PRIMPOL: variants seen among roughly 807,000 people sequenced by gnomAD.
PRIMPOL encodes the protein primase and DNA directed polymerase, also known as DNA-directed primase/polymerase protein.
In PRIMPOL, 54 loss-of-function variants were observed where a neutral mutation model predicts 63.6. The observed-to-expected ratio is 0.85, with a 90% CI of 0.68 to 1.07. The LOEUF (loss-of-function observed/expected upper bound fraction) is 1.07, where lower values mean the gene tolerates loss of function less well. Ranked by LOEUF, PRIMPOL falls within the 50% of genes least tolerant of loss-of-function variation. PRIMPOL has a pLI of 0.00. For synonymous variants in PRIMPOL, 197 were observed against 220.2 expected (o/e 0.89, Z 0.93); for missense variants, 610 against 648.3 (o/e 0.94, Z 0.64).
In PRIMPOL at chr4:184,651,311, G is replaced by T. The variant is rs1383615494; in HGVS notation, c.-137-712G>T. Among the ~76,000 whole-genome samples the T allele has an allele frequency of 2.0e-5, 3 of 152,026 alleles. No homozygotes were observed. In the East Asian group the frequency reaches 5.8e-4, roughly 29 times the overall value. On this transcript the variant is annotated intron_variant, in intron 1 of 13. Transcript: ENST00000314970. ...GTCTCAAAAAAAAGAAAAAAAAGGGGTTAAGTAGTTTGCTGTTGCTAAAAA... is the reference window on the plus strand; with the variant it reads ...GTCTCAAAAAAAAGAAAAAAAAGGGTTTAAGTAGTTTGCTGTTGCTAAAAA...
At chr4:184,694,413 G>GTAATC (rs1759996709) in intron 13 of PRIMPOL, 109 bp from the exon 14 acceptor site, 3 of 1,449,618 alleles carry the variant, frequency 2.1e-6, no homozygotes, top group Non-Finnish European at 2.7e-6. Context: ...ATTCACTTTA[G>GTAATC]TATCTGTCAC....
At chr4:184,676,160 G>C (rs1382807045) in intron 7 of PRIMPOL, among the ~76,000 whole-genome samples, 1 of 151,808 alleles carries the variant, frequency 6.6e-6, no homozygotes, top group Non-Finnish European at 1.5e-5. Flanking sequence ...TGTTGCCCAG[G>C]CTGAAGTGCA....
intron 13 of PRIMPOL, among the ~76,000 whole-genome samples, chr4:184,692,489 A>AAG (rs1345448276): frequency 6.6e-6 from 1 of 151,076 alleles, no homozygotes. Context: ...AAAAAAAAAA[A>AAG]AAAAGAAAGA....
In PRIMPOL at chr4:184,658,907, CAA is replaced by C. The variant is rs35646133; in HGVS notation, c.181-418_181-417del. 4.2e-3 allele frequency among the ~76,000 whole-genome samples: 398 copies of C among 93,716 alleles called. 4 individuals carry two copies. The highest frequency in any genetic ancestry group is 0.013 in the African/African-American group (309 of 24,502). The allele number at this position is 93,716 out of a possible 152,430, so 61.5% of individuals were successfully genotyped here. ...TGGGCAACAGAGCAAGACTCTGTTT[CAA>C]AAAAAAAAAAAAAAGGCTCCTACAT... On this transcript the variant is annotated intron_variant, in intron 3 of 13. Coordinates refer to ENST00000314970, the MANE Select transcript of PRIMPOL (RefSeq NM_152683.4).
rs767425676 is a variant in PRIMPOL, at chr4:184,685,496, G to C, written c.1184G>C (p.Gly395Ala). 1.3e-5 allele frequency: 21 copies of C among 1,605,602 alleles called. No individual in the cohort carries two copies. In the East Asian group the frequency reaches 3.6e-4, roughly 27 times the overall value. Residue 395 changes from glycine (G) to alanine (A), a missense_variant and splice_region_variant, in exon 10 of 14, where the codon GGA becomes GCA. Transcript: ENST00000314970. Reference protein sequence around the residue: ...LSLVNKDGIKGGIRRWNYFFP... With the variant: ...LSLVNKDGIKAGIRRWNYFFP... ...TTGGTGAATAAAGATGGCATTAAAGGAGGTAAAGTTAATCTCATCCTTTGT... is the reference window on the plus strand; with the variant it reads ...TTGGTGAATAAAGATGGCATTAAAGCAGGTAAAGTTAATCTCATCCTTTGT...
intron 1 of PRIMPOL, among the ~76,000 whole-genome samples, chr4:184,650,663 C>G (rs970478224): frequency 3.3e-5 from 5 of 152,198 alleles, no homozygotes; most frequent in African/African-American, 7.2e-5. Context: ...ATTTCAGACC[C>G]TGAAGCAAAC....
Position 184,661,182 on chromosome 4 carries a change from A to G in PRIMPOL, c.279-592A>G, listed in dbSNP as rs146203284. Among the ~76,000 whole-genome samples the G allele has an allele frequency of 2.6e-3, 392 of 152,318 alleles. 1 individual carries two copies. Among genetic ancestry groups the G allele is most frequent in the African/African-American group, 9.0e-3 (376 of 41,570 alleles). Reference sequence around the variant, plus strand: ...AACAAATATAGAGGTATTACACAATATCAAACTCATCTGTGAATAAATAAC... The same window carrying G: ...AACAAATATAGAGGTATTACACAATGTCAAACTCATCTGTGAATAAATAAC... On this transcript the variant is annotated intron_variant, in intron 4 of 13. Transcript: ENST00000314970.
chr4:184,655,424 C>G (rs1746109819), intron 2 of PRIMPOL, among the ~76,000 whole-genome samples: 1 of 150,010 alleles, frequency 6.7e-6, no homozygotes, highest in African/African-American at 2.5e-5. Flanking sequence ...CTGGTTCAAA[C>G]TATTCTCTTG....
chr4:184,692,666 T>C (rs896918393), intron 13 of PRIMPOL, among the ~76,000 whole-genome samples: 2 of 151,902 alleles, frequency 1.3e-5, no homozygotes, highest in African/African-American at 4.9e-5. Flanking sequence ...TCAGTTTTTT[T>C]TCTAAAGTAT....
intron 5 of PRIMPOL, among the ~76,000 whole-genome samples, chr4:184,664,527 C>T (rs143164633): frequency 9.8e-4 from 150 of 152,360 alleles, no homozygotes; most frequent in African/African-American, 3.4e-3. Flanking sequence ...AAGATGTTGC[C>T]TTCTTCCATT....
rs766875991 is a variant in PRIMPOL at position 184,691,723 on chromosome 4, A to G, written c.1425+11A>G. 5.6e-6 allele frequency: 9 copies of G among 1,604,376 alleles called. No individual in the cohort carries two copies. In the South Asian group the frequency reaches 9.9e-5, roughly 18 times the overall value. On this transcript the variant is annotated intron_variant, in intron 13 of 13. Coordinates refer to ENST00000314970, the MANE Select transcript of PRIMPOL (RefSeq NM_152683.4). The stretch of plus-strand genomic sequence containing the variant: ...TTTCTTTTCAAAGAGGTAAGTACAG[A>G]TTTTAGTGTCTTTCTCCTTACCAGG...
intron 3 of PRIMPOL, chr4:184,657,564 C>A (rs987903196): frequency 5.9e-5 from 19 of 320,696 alleles, no homozygotes; most frequent in East Asian, 3.3e-4. Flanking sequence ...ACATCTAGTA[C>A]CAATTAGTTT....
chr4:184,674,834 G>C (rs2696044), intron 7 of PRIMPOL, among the ~76,000 whole-genome samples: 131,309 of 152,168 alleles, frequency 0.86, 56,766 homozygotes, highest in East Asian at 1. Flanking sequence ...CTGTTTACAC[G>C]ACGAATCATT....
intron 8 of PRIMPOL, among the ~76,000 whole-genome samples, chr4:184,681,396 G>T (rs1276174243): frequency 6.6e-6 from 1 of 151,994 alleles, no homozygotes; most frequent in East Asian, 1.9e-4. Context: ...AAAATCTGCA[G>T]ATATAAAAGG....
chr4:184,654,893 G>A (rs1341516326), intron 2 of PRIMPOL, among the ~76,000 whole-genome samples: 1 of 151,982 alleles, frequency 6.6e-6, no homozygotes, highest in Non-Finnish European at 1.5e-5. Flanking sequence ...TGTGGATTAG[G>A]TATAACTCTG....
At chr4:184,674,694 C>T (rs73012906) in intron 7 of PRIMPOL, among the ~76,000 whole-genome samples, 3,324 of 152,176 alleles carry the variant, frequency 0.022, 123 homozygotes, top group African/African-American at 0.075. Flanking sequence ...GTTTTGTATA[C>T]GTATTATATA....
At chr4:184,657,383 C>A in intron 3 of PRIMPOL, 63 bp downstream of exon 3, 1 of 1,200,702 alleles carries the variant, frequency 8.3e-7, no homozygotes, top group Non-Finnish European at 1.1e-6. Flanking sequence ...TCTTCTTCTT[C>A]TTCATTATAA....
intron 7 of PRIMPOL, among the ~76,000 whole-genome samples, chr4:184,673,506 C>T (rs1314953690): frequency 7.0e-6 from 1 of 143,066 alleles, no homozygotes; most frequent in African/African-American, 2.6e-5. Flanking sequence ...CTCACTGCAA[C>T]CTCCGCCTCC....
In PRIMPOL at chr4:184,659,384, A is replaced by C. The variant is rs777156521; in HGVS notation, c.225A>C (p.Gln75His). The change falls in exon 4 of 14, where the codon CAA becomes CAC. Residue 75 changes from glutamine (Q) to histidine (H), a missense_variant. By Grantham distance (24) the Gln-to-His change is conservative. This residue lies in a region of PRIMPOL where 159 missense variants were observed against 168.9 expected (regional missense o/e 0.94). Transcript: ENST00000314970. ...TGGAATGCAAAGTAGGAGATGGACA[A>C]CGTATTTACCTTGTGACAACCTATG... ...FALECKVGDG[Q>H]RIYLVTTYAE... 2.5e-6 allele frequency: 4 copies of C among 1,613,966 alleles called. No individual in the cohort carries two copies. In the African/African-American group the frequency reaches 4.0e-5, roughly 16 times the overall value.
Sources: gnomAD v4.1 joint callset for allele counts (sites outside exome capture counted in the v4.1 genomes callset) on GRCh38, gnomAD v4.1.1 for gene constraint, gnomAD v4.1.1 regional missense constraint, MANE v1.5 for transcripts, NCBI Gene and HGNC (gene_info 2026-07-23, HGNC 2026-07-21) for gene names.